The following VASH2 variants were observed in gnomAD, a reference collection of about 807,000 sequenced individuals.
The protein encoded by VASH2 is vasohibin 2.
A neutral mutation model predicts 37.2 loss-of-function variants in VASH2; 28 were observed. That is an observed-to-expected ratio of 0.75 (90% CI 0.56 to 1.03). The LOEUF (loss-of-function observed/expected upper bound fraction) is 1.03, where lower values mean the gene tolerates loss of function less well. Among genes scored for constraint, VASH2 ranks in the 50% least tolerant of loss-of-function variants. The pLI is 0.00. For synonymous variants in VASH2, 188 were observed against 174.7 expected, an observed-to-expected ratio of 1.08 and a Z score of -0.60; for missense variants, 419 against 459.1, an observed-to-expected ratio of 0.91 and a Z score of 0.80.
intron 7 of VASH2, 42 bp from the exon 8 acceptor site, chr1:212,988,470 C>G (rs1036766623): frequency 6.2e-7 from 1 of 1,600,202 alleles, no homozygotes; most frequent in South Asian, 1.1e-5. Context: ...TTTCTTTGCC[C>G]CATCCCCTCT....
intron 2 of VASH2, among the ~76,000 whole-genome samples, chr1:212,957,323 G>A (rs1419487040): frequency 6.6e-6 from 1 of 152,156 alleles, no homozygotes; most frequent in African/African-American, 2.4e-5. Context: ...ACCTTTGGGG[G>A]CCATTTTTAT....
chr1:212,966,399 TG>T (rs142050670), intron 5 of VASH2, 54 bp downstream of exon 5: 36,865 of 1,440,360 alleles, frequency 0.026, 586 homozygotes, highest in East Asian at 0.039. Context: ...GGCTTCACAA[TG>T]GGGCTTGTTG....
rs112995590 is a variant in VASH2, at chr1:212,960,811, C to T, written c.277-355C>T. Reference sequence around the variant, plus strand: ...TGGAATGCTGGAATGCTTTCGTGTCCGTCCTGGGCCAGGCTCGGTGGGGGG... The same window carrying T: ...TGGAATGCTGGAATGCTTTCGTGTCTGTCCTGGGCCAGGCTCGGTGGGGGG... On this transcript the variant is annotated intron_variant, in intron 2 of 7. Coordinates refer to ENST00000517399, the MANE Select transcript of VASH2 (RefSeq NM_001301056.2). Among the ~76,000 whole-genome samples the T allele has an allele frequency of 9.9e-3, 1,511 of 152,294 alleles. 32 individuals are homozygous for T. Among genetic ancestry groups the T allele is most frequent in the African/African-American group, 0.034 (1,401 of 41,558 alleles).
chr1:212,961,116 C>A (rs1315259285), intron 2 of VASH2, 50 bp from the exon 3 acceptor site: 34 of 1,583,196 alleles, frequency 2.1e-5, no homozygotes, highest in Non-Finnish European at 2.9e-5. Flanking sequence ...AGAAGCTGGG[C>A]CCCAGAGCGC....
chr1:212,973,991 G>T lies in VASH2; in HGVS notation c.916G>T (p.Val306Leu). 2 of 1,613,932 alleles carry T rather than the reference G, an allele frequency of 1.2e-6. No homozygotes were observed. The highest frequency in any genetic ancestry group is 1.7e-6 in the Non-Finnish European group (2 of 1,179,942). The change falls in exon 7 of 8, where the codon GTG (valine) becomes TTG (leucine). Residue 306 changes from valine (V) to leucine (L), a missense_variant. Transcript: ENST00000517399. Reference sequence around the variant, plus strand: ...TGCAAGTGCCCACTCTCCGACCCAAGTGAGAAGCCGGGGAAAATCCCTGTC... The same window carrying T: ...TGCAAGTGCCCACTCTCCGACCCAATTGAGAAGCCGGGGAAAATCCCTGTC... ...KPASAHSPTQ[V>L]RSRGKSLSPR...
At chr1:212,986,016 G>A (rs1277264592) in intron 7 of VASH2, among the ~76,000 whole-genome samples, 1 of 152,112 alleles carries the variant, frequency 6.6e-6, no homozygotes, top group Non-Finnish European at 1.5e-5. Context: ...GGATGTTGAG[G>A]GGCAACTAAT....
intron 6 of VASH2, 172 bp from the exon 7 acceptor site, chr1:212,973,783 G>A: frequency 5.7e-6 from 8 of 1,394,674 alleles, no homozygotes; most frequent in South Asian, 1.5e-5. Context: ...AGTACAGGAC[G>A]AGAGAGGAAT....
At chr1:212,956,871 A>G (rs933648696) in intron 2 of VASH2, among the ~76,000 whole-genome samples, 8 of 152,198 alleles carry the variant, frequency 5.3e-5, no homozygotes, top group Non-Finnish European at 1.2e-4. Flanking sequence ...AGAGATATAT[A>G]TATGATACAG....
intron 7 of VASH2, among the ~76,000 whole-genome samples, chr1:212,984,130 G>A (rs1200691305): frequency 6.6e-6 from 1 of 152,164 alleles, no homozygotes; most frequent in Admixed American, 6.6e-5. Flanking sequence ...TACCTGGAAG[G>A]CATGGGAAAA....
chr1:212,951,491 C>G lies in VASH2; in HGVS notation c.-52C>G. On this transcript the variant is annotated 5_prime_UTR_variant, in exon 2 of 8. Transcript: ENST00000517399. This position sits in a 1 kb window ranked among gnomAD's most constrained non-coding sequence, Gnocchi z 4.4. The stretch of plus-strand genomic sequence containing the variant: ...CGCACACGCCCCCCGCCGCCGCCGC[C>G]GCTGCCGCCGCCGCGCGCCCCCAGT... The G allele has an allele frequency of 2.6e-6, 3 of 1,166,430 alleles. No individual in the cohort carries two copies. The highest frequency in any genetic ancestry group is 3.2e-6 in the Non-Finnish European group (3 of 941,496). The allele number at this position is 1,166,430 out of a possible 1,614,324, so 72.3% of individuals were successfully genotyped here. A position where few individuals can be genotyped will look rare whatever the true frequency, so the allele number is the denominator to read the frequency against.
At chr1:212,956,352 G>A (rs1386576602) in intron 2 of VASH2, among the ~76,000 whole-genome samples, 1 of 152,094 alleles carries the variant, frequency 6.6e-6, no homozygotes, top group African/African-American at 2.4e-5. Context: ...AGTTTTCTGG[G>A]GCCCCCACCC....
At chr1:212,986,435 C>T (rs1425402271) in intron 7 of VASH2, among the ~76,000 whole-genome samples, 2 of 152,198 alleles carry the variant, frequency 1.3e-5, no homozygotes, top group South Asian at 2.1e-4. Flanking sequence ...TGGAGGCTCA[C>T]TTCAGGCTTT....
At chr1:212,961,881 T>C (rs140540997) in intron 3 of VASH2, among the ~76,000 whole-genome samples, 3,803 of 152,330 alleles carry the variant, frequency 0.025, 75 homozygotes, top group Middle Eastern at 0.058. Flanking sequence ...ATTACAGGCG[T>C]GAGTCACCAC....
At chr1:212,969,199 T>TG in intron 5 of VASH2, 1 of 971,302 alleles carries the variant, frequency 1.0e-6, no homozygotes, top group East Asian at 1.1e-4. Context: ...TTCTTCTTTT[T>TG]TTTTTTTTTT....
intron 7 of VASH2, among the ~76,000 whole-genome samples, chr1:212,987,327 G>A (rs1667509125): frequency 6.6e-6 from 1 of 150,942 alleles, no homozygotes; most frequent in South Asian, 2.1e-4. Context: ...TGTAATCCCA[G>A]CACTTTGGGA....
At chr1:212,974,200 C>A in intron 7 of VASH2, 130 bp downstream of exon 7, 2 of 1,205,700 alleles carry the variant, frequency 1.7e-6, no homozygotes, top group South Asian at 1.7e-5. Flanking sequence ...AAGAGGACTG[C>A]CCCTCATTCA....
At chr1:212,958,439 G>A (rs758004235) in intron 2 of VASH2, among the ~76,000 whole-genome samples, 18 of 152,194 alleles carry the variant, frequency 1.2e-4, no homozygotes, top group South Asian at 4.1e-4. Flanking sequence ...GCCCTTGGGC[G>A]CCATCGGGTT....
At position 212,991,552 on chromosome 1, in the gene VASH2, A is replaced by G. The variant is rs1171704924; in HGVS notation, c.*2968A>G. 1 of 152,254 alleles carries G rather than the reference A, an allele frequency of 6.6e-6. No individual in the cohort carries two copies. Among genetic ancestry groups the G allele is most frequent in the East Asian group, 1.9e-4 (1 of 5,206 alleles). The allele number at this position is 152,254 out of a possible 1,614,324, so 9.4% of individuals were successfully genotyped here. A position where few individuals can be genotyped will look rare whatever the true frequency, so the allele number is the denominator to read the frequency against. ...ATCACTTGTATGTTTCTAACACAGC[A>G]TGGGACTTTAATAAAACCATCCTGG... On this transcript the variant is annotated 3_prime_UTR_variant, in exon 8 of 8. Transcript: ENST00000517399.
intron 2 of VASH2, among the ~76,000 whole-genome samples, 193 bp downstream of exon 2, chr1:212,952,011 GA>G (rs1019365411): frequency 1.6e-4 from 25 of 152,200 alleles, no homozygotes; most frequent in Non-Finnish European, 2.9e-5. Context: ...AAGAAATGGG[GA>G]AGGGAGAGGT....
Sources: gnomAD v4.1 joint callset for allele counts (sites outside exome capture counted in the v4.1 genomes callset) on GRCh38, gnomAD v4.1.1 for gene constraint, Gnocchi (gnomAD v3.1) non-coding constraint, MANE v1.5 for transcripts, NCBI Gene and HGNC (gene_info 2026-07-23, HGNC 2026-07-21) for gene names.